The following NOB1 variants were observed in gnomAD, a reference collection of about 807,000 sequenced individuals.
NOB1 encodes RNA-binding protein NOB1.
NOB1 carries 44 observed loss-of-function variants against 44.8 expected under a neutral mutation model. That is an observed-to-expected ratio of 0.98 (90% CI 0.77 to 1.26). The LOEUF (loss-of-function observed/expected upper bound fraction) is 1.26. NOB1 is among the 50% of genes most tolerant of loss of function. The pLI is 0.00. For missense variants in NOB1, 560 were observed against 544.8 expected, an observed-to-expected ratio of 1.03 and a Z score of -0.28; for synonymous variants, 238 against 218.7, an observed-to-expected ratio of 1.09 and a Z score of -0.78.
In NOB1 at chr16:69,749,267, G is replaced by A; in HGVS notation, c.471C>T (p.Phe157=). 6.2e-7 allele frequency: 1 copy of A among 1,613,448 alleles called. No individual in the cohort carries two copies. Among genetic ancestry groups the A allele is most frequent in the South Asian group, 1.1e-5 (1 of 90,892 alleles). ...CEPENLEFSS[F]MFWRNPLPNI... is the part of the protein sequence containing the mutation. ...TGGGCAAAGGGTTTCTCCAGAACATGAAGGAACTAAATTCCAGGTTCTCAG... is the reference window on the plus strand; with the variant it reads ...TGGGCAAAGGGTTTCTCCAGAACATAAAGGAACTAAATTCCAGGTTCTCAG... Residue 157 remains phenylalanine (F), a synonymous_variant, in exon 5 of 9, where the codon TTC becomes TTT. Transcript: ENST00000268802.
In NOB1 at chr16:69,752,132, GA is replaced by G. The variant is rs1429448494; in HGVS notation, c.327+108del. On this transcript the variant is annotated intron_variant, in intron 3 of 8. Transcript: ENST00000268802. ...ATACAGACTAGCTAAGAGATAATTG[GA>G]GGGGGGGATGATGGGAACCCTGGGT... The G allele has an allele frequency of 6.2e-6, 6 of 965,766 alleles. No homozygotes were observed. The East Asian group carries it at 1.5e-4, about 24-fold the overall frequency. 59.8% of individuals were successfully genotyped at this position (965,766 alleles called of 1,614,324 possible). A position where few individuals can be genotyped will look rare whatever the true frequency, so the allele number is the denominator to read the frequency against.
Position 69,742,397 on chromosome 16 carries a change from A to G in NOB1, c.1174T>C (p.Leu392=), listed in dbSNP as rs752396946. Residue 392 remains leucine (L), a synonymous_variant, in exon 9 of 9, where the codon TTG becomes CTG. Coordinates refer to ENST00000268802, the MANE Select transcript of NOB1 (RefSeq NM_014062.3). ...SATLQVRDST[L]GAGRRRLNPN... ...TTTAAGCGTCTCCGCCCAGCTCCCA[A>G]GGTGCTGTCCCGGACCTGCAGGGTA... The G allele has an allele frequency of 1.2e-6, 2 of 1,614,234 alleles. No individual in the cohort carries two copies. The highest frequency in any genetic ancestry group is 1.7e-5 in the Admixed American group (1 of 60,030).
chr16:69,748,838 G>A lies in NOB1; in HGVS notation c.726+80C>T. ...GGAAAAGAAGCGCTGCACAGCACCAGTTCCGTGTACATCTGTACACCTCGG... is the reference window on the plus strand; with the variant it reads ...GGAAAAGAAGCGCTGCACAGCACCAATTCCGTGTACATCTGTACACCTCGG... On this transcript the variant is annotated intron_variant, in intron 6 of 8. Coordinates refer to ENST00000268802, the MANE Select transcript of NOB1 (RefSeq NM_014062.3). The A allele has an allele frequency of 2.4e-6, 3 of 1,272,606 alleles. No homozygotes were observed. The South Asian group carries it at 4.5e-5, about 19-fold the overall frequency. The allele number at this position is 1,272,606 out of a possible 1,614,324, so 78.8% of individuals were successfully genotyped here. A position where few individuals can be genotyped will look rare whatever the true frequency, so the allele number is the denominator to read the frequency against.
At chr16:69,746,788 T>A (rs2038435063) in intron 7 of NOB1, among the ~76,000 whole-genome samples, 1 of 151,888 alleles carries the variant, frequency 6.6e-6, no homozygotes, top group Non-Finnish European at 1.5e-5. Flanking sequence ...GTGCCTGTAG[T>A]CCCAGCTACT....
At chr16:69,751,970 C>T (rs555873295) in intron 3 of NOB1, among the ~76,000 whole-genome samples, 1 of 152,090 alleles carries the variant, frequency 6.6e-6, no homozygotes, top group Non-Finnish European at 1.5e-5. Context: ...GAGACTGAGG[C>T]AAGAGAATCG....
chr16:69,751,769 C>A (rs1214729178), intron 3 of NOB1, among the ~76,000 whole-genome samples: 1 of 152,120 alleles, frequency 6.6e-6, no homozygotes, highest in Non-Finnish European at 1.5e-5. Context: ...GTTTAAAATA[C>A]TCAGGGCTGA....
At chr16:69,744,531 T>G (rs887243641) in intron 8 of NOB1, among the ~76,000 whole-genome samples, 1 of 152,082 alleles carries the variant, frequency 6.6e-6, no homozygotes, top group South Asian at 2.1e-4. Flanking sequence ...CGTCCGGCCC[T>G]CTCTTCCGTG....
chr16:69,753,489 T>C (rs945431952), intron 2 of NOB1, among the ~76,000 whole-genome samples: 1 of 152,180 alleles, frequency 6.6e-6, no homozygotes, highest in Admixed American at 6.5e-5. Context: ...GCAACGAAAA[T>C]TTACTGTGCA....
Position 69,742,409 on chromosome 16 carries a change from G to A in NOB1, c.1162C>T (p.Arg388Trp), listed in dbSNP as rs757734469. Reference protein sequence around the residue: ...ISSRSATLQVRDSTLGAGRRR... With the variant: ...ISSRSATLQVWDSTLGAGRRR... ...CGCCCAGCTCCCAAGGTGCTGTCCCGGACCTGCAGGGTAGCTGAGCGGCTG... is the reference window on the plus strand; with the variant it reads ...CGCCCAGCTCCCAAGGTGCTGTCCCAGACCTGCAGGGTAGCTGAGCGGCTG... The change falls in exon 9 of 9, where the codon CGG (arginine) becomes TGG (tryptophan). Residue 388 changes from arginine (R) to tryptophan (W), a missense_variant. Transcript: ENST00000268802. The A allele has an allele frequency of 1.1e-5, 17 of 1,614,126 alleles. No homozygotes were observed. The highest frequency in any genetic ancestry group is 3.3e-4 in the Middle Eastern group (2 of 6,084).
chr16:69,744,499 G>A (rs915600317), intron 8 of NOB1, among the ~76,000 whole-genome samples: 4 of 151,960 alleles, frequency 2.6e-5, no homozygotes, highest in East Asian at 3.9e-4. Flanking sequence ...TCTCTGCGTC[G>A]GCAGCTGCTG....
chr16:69,742,234 C>T lies in NOB1; in HGVS notation c.*98G>A. 6.8e-7 allele frequency: 1 copy of T among 1,466,976 alleles called. No homozygotes were observed. Among genetic ancestry groups the T allele is most frequent in the Admixed American group, 2.0e-5 (1 of 50,202 alleles). 90.9% of individuals were successfully genotyped at this position (1,466,976 alleles called of 1,614,324 possible). A position where few individuals can be genotyped will look rare whatever the true frequency, so the allele number is the denominator to read the frequency against. Reference sequence around the variant, plus strand: ...CACCGTGAAGCCCGCCTGTTATTTCCATCGGGTGGTCCTGGAGACGACACG... The same window carrying T: ...CACCGTGAAGCCCGCCTGTTATTTCTATCGGGTGGTCCTGGAGACGACACG... On this transcript the variant is annotated 3_prime_UTR_variant, in exon 9 of 9. Coordinates refer to ENST00000268802, the MANE Select transcript of NOB1 (RefSeq NM_014062.3).
intron 7 of NOB1, 39 bp from the exon 8 acceptor site, chr16:69,745,056 C>T (rs2038418581): frequency 1.9e-6 from 3 of 1,609,262 alleles, no homozygotes; most frequent in South Asian, 1.1e-5. Flanking sequence ...ACCAAAGCCA[C>T]AGGCAGCAAA....
At position 69,742,350 on chromosome 16, in the gene NOB1, C is replaced by T. The variant is rs372723562; in HGVS notation, c.1221G>A (p.Lys407=). ...RRLNPNASRK[K]FVKKR is the part of the protein sequence containing the mutation. ...TCGCTCTTCACCTTTTCTTCACAAA[C>T]TTCTTTCTGGAAGCGTTGGGATTTA... Residue 407 remains lysine, a synonymous_variant, in exon 9 of 9, where the codon AAG becomes AAA. Transcript: ENST00000268802. 1 of 1,611,248 alleles carries T rather than the reference C, an allele frequency of 6.2e-7. No homozygotes were observed. Among genetic ancestry groups the T allele is most frequent in the Non-Finnish European group, 8.5e-7 (1 of 1,177,838 alleles).
rs145901376 is a variant in NOB1, at chr16:69,749,136, C to T, written c.526-18G>A. 2.0e-4 allele frequency: 320 copies of T among 1,614,148 alleles called. 3 individuals are homozygous for T. In the African/African-American group the frequency reaches 3.5e-3, roughly 17 times the overall value. On this transcript the variant is annotated intron_variant, in intron 5 of 8. Transcript: ENST00000268802. ...CTGTCAATCTGAAACATCAACAGAC[C>T]TTTCAAACTCCCAACCCACAGGAGC...
intron 6 of NOB1, 71 bp from the exon 7 acceptor site, chr16:69,748,400 C>A (rs1022862355): frequency 7.2e-6 from 10 of 1,394,296 alleles, no homozygotes; most frequent in African/African-American, 1.4e-5. Context: ...GTTAAGGGAA[C>A]TTCACAAACC....
At chr16:69,748,356 C>T in intron 6 of NOB1, 27 bp from the exon 7 acceptor site, 1 of 1,584,474 alleles carries the variant, frequency 6.3e-7, no homozygotes, top group Non-Finnish European at 8.7e-7. Flanking sequence ...AAGAAGAAAT[C>T]AATTTTCTTT....
intron 7 of NOB1, among the ~76,000 whole-genome samples, chr16:69,746,890 ACT>A (rs1465251433): frequency 6.7e-6 from 1 of 149,756 alleles, no homozygotes; most frequent in Non-Finnish European, 1.5e-5. Flanking sequence ...CAACAGAGAG[ACT>A]CTGTCTCAGA....
intron 3 of NOB1, among the ~76,000 whole-genome samples, chr16:69,751,086 C>T (rs562817653): frequency 2.4e-4 from 36 of 152,226 alleles, no homozygotes; most frequent in Non-Finnish European, 4.1e-4. Flanking sequence ...TTTTTTACCT[C>T]CAGAAAGCTC....
At position 69,742,398 on chromosome 16, in the gene NOB1, G is replaced by A. The variant is rs1486484174; in HGVS notation, c.1173C>T (p.Thr391=). The part of the protein sequence containing the change: ...RSATLQVRDS[T]LGAGRRRLNP... ...TTAAGCGTCTCCGCCCAGCTCCCAAGGTGCTGTCCCGGACCTGCAGGGTAG... is the reference window on the plus strand; with the variant it reads ...TTAAGCGTCTCCGCCCAGCTCCCAAAGTGCTGTCCCGGACCTGCAGGGTAG... The change falls in exon 9 of 9, where the codon ACC becomes ACT. Residue 391 remains threonine, a synonymous_variant. Coordinates refer to ENST00000268802, the MANE Select transcript of NOB1 (RefSeq NM_014062.3). 5.6e-6 allele frequency: 9 copies of A among 1,614,142 alleles called. No individual in the cohort carries two copies. The highest frequency in any genetic ancestry group is 6.8e-6 in the Non-Finnish European group (8 of 1,180,046).
Sources: gnomAD v4.1 joint callset for allele counts (sites outside exome capture counted in the v4.1 genomes callset) on GRCh38, gnomAD v4.1.1 for gene constraint, MANE v1.5 for transcripts, NCBI Gene and HGNC (gene_info 2026-07-23, HGNC 2026-07-21) for gene names.